HCN2: variants seen among roughly 807,000 people sequenced by gnomAD.
HCN2 encodes potassium/sodium hyperpolarization-activated cyclic nucleotide-gated channel 2.
In HCN2, 20 loss-of-function variants were observed where a neutral mutation model predicts 52.3. The ratio of observed to expected loss-of-function variants is 0.38; its 90% confidence interval spans 0.27 to 0.56. The LOEUF is 0.56. Ranked by LOEUF, HCN2 falls within the 20% of genes least tolerant of loss-of-function variation. HCN2 has a pLI of 0.71. For synonymous variants in HCN2, 694 were observed against 537.0 expected, an observed-to-expected ratio of 1.29 and a Z score of -4.04; for missense variants, 981 against 1,207.7, an observed-to-expected ratio of 0.81 and a Z score of 2.78.
Position 590,032 on chromosome 19 carries a change from G to A in HCN2, c.87G>A (p.Ala29=). 1 of 584,968 alleles carries A rather than the reference G, an allele frequency of 1.7e-6. No individual in the cohort carries two copies. The highest frequency in any genetic ancestry group is 2.1e-6 in the Non-Finnish European group (1 of 478,674). The allele number at this position is 584,968 out of a possible 1,614,324, so 36.2% of individuals were successfully genotyped here. A position where few individuals can be genotyped will look rare whatever the true frequency, so the allele number is the denominator to read the frequency against. The change falls in exon 1 of 8, where the codon GCG becomes GCA. Residue 29 remains alanine (A), a synonymous_variant. Transcript: ENST00000251287. This position sits in a 1 kb window ranked among gnomAD's most constrained non-coding sequence, Gnocchi z 7.2. ...GGCCGCCGCCGCCGCCGCCGCCCGC[G>A]CCCCCCCAACAGCAGCCGCCGCCGC... The part of the protein sequence containing the change: ...APGPPPPPPP[A]PPQQQPPPPP...
intron 4 of HCN2, among the ~76,000 whole-genome samples, chr19:608,670 G>A (rs1427464678): frequency 3.4e-5 from 5 of 149,114 alleles, no homozygotes; most frequent in African/African-American, 1.2e-4. Context: ...TTGGACATCG[G>A]GAAGCCCCCG....
At chr19:615,681 C>CT (rs1983870179) in intron 7 of HCN2, 114 bp from the exon 8 acceptor site, 1 of 968,770 alleles carries the variant, frequency 1.0e-6, no homozygotes, top group Admixed American at 1.9e-5. Flanking sequence ...TAAATGCATG[C>CT]TTGCTCTACA....
chr19:609,915 A>C (rs1983550815), intron 4 of HCN2, among the ~76,000 whole-genome samples: 1 of 152,096 alleles, frequency 6.6e-6, no homozygotes, highest in East Asian at 1.9e-4. Context: ...AAAAAAATGG[A>C]ATTTATCATT....
chr19:601,244 C>A (rs1405945638), intron 1 of HCN2, among the ~76,000 whole-genome samples: 1 of 152,066 alleles, frequency 6.6e-6, no homozygotes, highest in African/African-American at 2.4e-5. Flanking sequence ...ACTTGGGAGG[C>A]GGAGGTGGCA....
chr19:606,735 C>T (rs1232125107), intron 3 of HCN2, among the ~76,000 whole-genome samples: 1 of 150,884 alleles, frequency 6.6e-6, no homozygotes, highest in East Asian at 2.0e-4. Context: ...ACCTGTAATT[C>T]CAGCTACTGT....
chr19:595,003 C>T (rs961961033), intron 1 of HCN2, among the ~76,000 whole-genome samples: 2 of 151,996 alleles, frequency 1.3e-5, no homozygotes, highest in Non-Finnish European at 2.9e-5. Context: ...GAGTTCGAGA[C>T]CAGCCTGGGC....
chr19:610,412 C>G lies in HCN2; in HGVS notation c.1584+7C>G. On this transcript the variant is annotated splice_region_variant and intron_variant, in intron 5 of 7. Transcript: ENST00000251287. ...CAACGGGCCCCTGCGGGAGGTGAGGCGGGCGCCGGGCGGGCGGGAGGCAGC... is the reference window on the plus strand; with the variant it reads ...CAACGGGCCCCTGCGGGAGGTGAGGGGGGCGCCGGGCGGGCGGGAGGCAGC... 6.2e-7 allele frequency: 1 copy of G among 1,611,086 alleles called. No individual in the cohort carries two copies. The highest frequency in any genetic ancestry group is 8.5e-7 in the Non-Finnish European group (1 of 1,178,474).
chr19:603,164 C>T (rs147511280), intron 1 of HCN2, among the ~76,000 whole-genome samples: 246 of 68,692 alleles, frequency 3.6e-3, no homozygotes, highest in South Asian at 0.018. Flanking sequence ...GAAGAGGGCC[C>T]GGGGCTGGTC....
chr19:615,669 G>C (rs1983869260), intron 7 of HCN2, 126 bp from the exon 8 acceptor site: 1 of 833,716 alleles, frequency 1.2e-6, no homozygotes, highest in East Asian at 2.6e-5. Flanking sequence ...TACAGTAGGT[G>C]GTAAATGCAT....
At chr19:607,535 C>G (rs545998516) in intron 3 of HCN2, among the ~76,000 whole-genome samples, 1 of 152,376 alleles carries the variant, frequency 6.6e-6, no homozygotes, top group African/African-American at 2.4e-5. Context: ...CCGCGGCTCC[C>G]CTTTCCCGGC....
chr19:590,686 G>A lies in HCN2; in HGVS notation c.632+109G>A, dbSNP rs1255705771. The A allele has an allele frequency of 4.6e-5, 40 of 874,448 alleles. No homozygotes were observed. Among genetic ancestry groups the A allele is most frequent in the Non-Finnish European group, 5.2e-5 (35 of 667,956 alleles). 54.2% of individuals were successfully genotyped at this position (874,448 alleles called of 1,614,324 possible). On this transcript the variant is annotated intron_variant, in intron 1 of 7. Transcript: ENST00000251287. This position sits in a 1 kb window ranked among gnomAD's most constrained non-coding sequence, Gnocchi z 7.2. The stretch of plus-strand genomic sequence containing the variant: ...GGGCGGGGCGGCGCGCCGGGCCGGT[G>A]ACCTCGGGGCTCCTCGGTGACCTCG...
Position 617,023 on chromosome 19 carries a change from CG to C in HCN2, c.*556del, listed in dbSNP as rs371538078. 0.053 allele frequency: 27,392 copies of C among 515,296 alleles called. 1,117 individuals carry two copies. Among genetic ancestry groups the C allele is most frequent in the Non-Finnish European group, 0.064 (18,042 of 280,946 alleles). The allele number at this position is 515,296 out of a possible 1,614,324, so 31.9% of individuals were successfully genotyped here. Reference sequence around the variant, plus strand: ...GAGGCAGGCCTGGCTGCGCAGGGCGCGGGGGGGAGGCTGGGGTCCCGCCGCC... The same window carrying C: ...GAGGCAGGCCTGGCTGCGCAGGGCGCGGGGGGAGGCTGGGGTCCCGCCGCC... On this transcript the variant is annotated 3_prime_UTR_variant, in exon 8 of 8. Coordinates refer to ENST00000251287, the MANE Select transcript of HCN2 (RefSeq NM_001194.4).
intron 1 of HCN2, among the ~76,000 whole-genome samples, chr19:603,272 AGGCACCAGCCT>A (rs1983276550): frequency 8.3e-6 from 1 of 120,588 alleles, no homozygotes; most frequent in Non-Finnish European, 1.7e-5. Flanking sequence ...CCTGGGGGGA[AGGCACCAGCCT>A]GAGGTGTGGG....
chr19:591,516 C>A lies in HCN2; in HGVS notation c.632+939C>A, dbSNP rs1187633586. On this transcript the variant is annotated intron_variant, in intron 1 of 7. Coordinates refer to ENST00000251287, the MANE Select transcript of HCN2 (RefSeq NM_001194.4). This position sits in a 1 kb window ranked among gnomAD's most constrained non-coding sequence, Gnocchi z 4.1. ...GTGCACCGGTGGGCAGTAGTGTGAG[C>A]CGCAGGCAGGTCTCACACACGCGAC... is the stretch of plus-strand genomic sequence containing the variant. Among the ~76,000 whole-genome samples the A allele has an allele frequency of 6.6e-6, 1 of 152,084 alleles. No homozygotes were observed. Among genetic ancestry groups the A allele is most frequent in the Non-Finnish European group, 1.5e-5 (1 of 67,982 alleles).
intron 1 of HCN2, among the ~76,000 whole-genome samples, chr19:597,800 G>A (rs1040682607): frequency 6.6e-6 from 1 of 150,604 alleles, no homozygotes; most frequent in Admixed American, 6.6e-5. Context: ...CCCTCCTGGT[G>A]GTTTCTAGGT....
At chr19:612,117 C>A (rs1035367655) in intron 5 of HCN2, among the ~76,000 whole-genome samples, 1 of 151,942 alleles carries the variant, frequency 6.6e-6, no homozygotes, top group Non-Finnish European at 1.5e-5. Flanking sequence ...TGCACTCCAG[C>A]CTGGACAACA....
rs553920143 is a variant in HCN2, at chr19:595,652, G to A, written c.632+5075G>A. Reference sequence around the variant, plus strand: ...ATGTGTCTGTCTTGGGGCTGGGCCTGTGTGGTCATCGTGTGCCCCGGCGCC... The same window carrying A: ...ATGTGTCTGTCTTGGGGCTGGGCCTATGTGGTCATCGTGTGCCCCGGCGCC... On this transcript the variant is annotated intron_variant, in intron 1 of 7. Transcript: ENST00000251287. 9.3e-4 allele frequency among the ~76,000 whole-genome samples: 141 copies of A among 152,328 alleles called. 1 individual carries two copies. In the South Asian group the frequency reaches 0.015, roughly 17 times the overall value.
chr19:606,713 G>A (rs558624612), intron 3 of HCN2, among the ~76,000 whole-genome samples: 8 of 151,462 alleles, frequency 5.3e-5, no homozygotes, highest in Admixed American at 6.6e-5. Context: ...TTAGCCAGGC[G>A]TGGTGGCGCG....
At chr19:610,922 G>A (rs539731610) in intron 5 of HCN2, among the ~76,000 whole-genome samples, 27 of 151,988 alleles carry the variant, frequency 1.8e-4, no homozygotes, top group Admixed American at 7.2e-4. Flanking sequence ...CTACCCCCCC[G>A]GAGCCCCTGG....
Sources: gnomAD v4.1 joint callset for allele counts (sites outside exome capture counted in the v4.1 genomes callset) on GRCh38, gnomAD v4.1.1 for gene constraint, Gnocchi (gnomAD v3.1) non-coding constraint, MANE v1.5 for transcripts, NCBI Gene and HGNC (gene_info 2026-07-23, HGNC 2026-07-21) for gene names.